The following GFRA2 variants were observed in gnomAD, a reference collection of about 807,000 sequenced individuals.
GFRA2 encodes GDNF family receptor alpha-2.
A neutral mutation model predicts 48.3 loss-of-function variants in GFRA2; 17 were observed. The observed-to-expected ratio is 0.35, with a 90% CI of 0.24 to 0.53. GFRA2 has a LOEUF of 0.53. Ranked by LOEUF, GFRA2 falls within the 20% of genes least tolerant of loss-of-function variation. GFRA2 has a pLI of 0.93. For synonymous variants in GFRA2, 305 were observed against 257.2 expected (o/e 1.19, Z -1.78); for missense variants, 660 against 637.3 (o/e 1.04, Z -0.38).
chr8:21,807,248 G>C (rs1033407716), intron 1 of GFRA2, among the ~76,000 whole-genome samples: 3 of 152,130 alleles, frequency 2.0e-5, no homozygotes, highest in African/African-American at 7.2e-5. Context: ...GCTCATTACT[G>C]CAACAGTGGG....
At chr8:21,738,966 C>G (rs991284186) in intron 4 of GFRA2, among the ~76,000 whole-genome samples, 1 of 152,188 alleles carries the variant, frequency 6.6e-6, no homozygotes, top group Admixed American at 6.5e-5. Context: ...GAGCTCCGTG[C>G]TGTGAAGAAC....
Position 21,788,740 on chromosome 8 carries a change from C to T in GFRA2, c.-581G>A, listed in dbSNP as rs1407280732. On this transcript the variant is annotated 5_prime_UTR_variant, in exon 1 of 9. Coordinates refer to ENST00000524240, the MANE Select transcript of GFRA2 (RefSeq NM_001495.5). ...CAAGATTCAAAAAAATCTTCTCCCG[C>T]TAACCCTTGCTCGGCTCACTTTTTT... 1 of 985,458 alleles carries T rather than the reference C, an allele frequency of 1.0e-6. No individual in the cohort carries two copies. Among genetic ancestry groups the T allele is most frequent in the African/African-American group, 1.7e-5 (1 of 57,256 alleles). The allele number at this position is 985,458 out of a possible 1,614,324, so 61.0% of individuals were successfully genotyped here.
intron 1 of GFRA2, 82 bp downstream of exon 1, chr8:21,788,031 TCCCGCCA>T: frequency 2.3e-6 from 1 of 432,234 alleles, no homozygotes. Context: ...CCCGCCGACC[TCCCGCCA>T]GCCCCCCACC....
At chr8:21,755,728 C>T (rs1805535643) in intron 3 of GFRA2, among the ~76,000 whole-genome samples, 1 of 152,212 alleles carries the variant, frequency 6.6e-6, no homozygotes, top group Non-Finnish European at 1.5e-5. Flanking sequence ...GAAAAAGGAT[C>T]CCAGGCACAG....
chr8:21,796,921 G>T (rs1198154909), intron 2 of GFRA2, among the ~76,000 whole-genome samples: 1 of 152,128 alleles, frequency 6.6e-6, no homozygotes, highest in Admixed American at 6.5e-5. Context: ...GCTTTTTTCT[G>T]CAAGTTTGCC....
chr8:21,803,819 G>A (rs1014138505), intron 2 of GFRA2, among the ~76,000 whole-genome samples: 6 of 152,114 alleles, frequency 3.9e-5, no homozygotes. Context: ...CTTTTTTAGA[G>A]ATAGGGTCTT....
intron 4 of GFRA2, among the ~76,000 whole-genome samples, chr8:21,746,006 A>G (rs1052587731): frequency 1.3e-5 from 2 of 152,262 alleles, no homozygotes; most frequent in African/African-American, 2.4e-5. Flanking sequence ...CTGCTTCAAC[A>G]GAATCAGAAC....
At chr8:21,763,583 C>T (rs1353075232) in intron 3 of GFRA2, among the ~76,000 whole-genome samples, 2 of 152,152 alleles carry the variant, frequency 1.3e-5, no homozygotes, top group Non-Finnish European at 2.9e-5. Context: ...CTGCCGTAGT[C>T]ATATCCTTGA....
upstream of GFRA2, among the ~76,000 whole-genome samples, chr8:21,793,718 A>C (rs1198224281): frequency 2.6e-5 from 4 of 151,626 alleles, no homozygotes; most frequent in Non-Finnish European, 5.9e-5. Flanking sequence ...AGCACCCCCA[A>C]CTGGTCAATT....
rs140978093 is a variant in GFRA2 at position 21,702,984 on chromosome 8, T to C, written c.1046-7A>G. The C allele has an allele frequency of 2.7e-6, 4 of 1,507,328 alleles. No individual in the cohort carries two copies. Among genetic ancestry groups the C allele is most frequent in the African/African-American group, 1.4e-5 (1 of 70,632 alleles). The allele number at this position is 1,507,328 out of a possible 1,614,324, so 93.4% of individuals were successfully genotyped here. A position where few individuals can be genotyped will look rare whatever the true frequency, so the allele number is the denominator to read the frequency against. ...AAGGCCTGGATGGCGTTCCCTGGGATGGGGGTGAGGGCAGATGCAGAGAAG... is the reference window on the plus strand; with the variant it reads ...AAGGCCTGGATGGCGTTCCCTGGGACGGGGGTGAGGGCAGATGCAGAGAAG... On this transcript the variant is annotated splice_region_variant and splice_polypyrimidine_tract_variant and intron_variant, in intron 6 of 8. Transcript: ENST00000524240.
intron 1 of GFRA2, 85 bp downstream of exon 1, chr8:21,788,035 G>GAAGCCCCCCCCCCCCC: frequency 4.7e-6 from 1 of 214,702 alleles, no homozygotes; most frequent in Non-Finnish European, 8.6e-6. Context: ...CCGACCTCCC[G>GAAGCCCCCCCCCCCCC]CCAGCCCCCC....
chr8:21,715,657 C>T (rs148933709), intron 4 of GFRA2, among the ~76,000 whole-genome samples: 268 of 152,354 alleles, frequency 1.8e-3, no homozygotes, highest in African/African-American at 6.2e-3. Flanking sequence ...GCACCCCTTT[C>T]TCCTGGCCAC....
rs1189394022 is a variant in GFRA2, at chr8:21,799,622, T to A, written c.-36+5395A>T. Among the ~76,000 whole-genome samples, 45 of 152,232 alleles carry A rather than the reference T, an allele frequency of 3.0e-4. 1 individual carries two copies. Among genetic ancestry groups the A allele is most frequent in the Admixed American group, 2.9e-3 (45 of 15,288 alleles). ...TCATGGGAGCCAGACTCATTAGAAT[T>A]CCCAGTCCACACAATAAACTGCCTT... On this transcript the variant is annotated intron_variant, in intron 2 of 10. Coordinates refer to the GFRA2 transcript ENST00000517328.
At chr8:21,783,157 C>T in intron 1 of GFRA2, 2 of 658,272 alleles carry the variant, frequency 3.0e-6, no homozygotes, top group Non-Finnish European at 2.8e-6. Context: ...GAGCACAGCA[C>T]AATAAAGCCA....
At chr8:21,740,016 T>C (rs879733591) in intron 4 of GFRA2, among the ~76,000 whole-genome samples, 9 of 152,152 alleles carry the variant, frequency 5.9e-5, no homozygotes, top group Non-Finnish European at 1.3e-4. Flanking sequence ...AGGGAGGACA[T>C]GGCGGGTGGG....
intron 4 of GFRA2, among the ~76,000 whole-genome samples, chr8:21,730,939 C>T (rs934571366): frequency 4.6e-5 from 7 of 152,116 alleles, no homozygotes; most frequent in Non-Finnish European, 1.5e-5. Context: ...ATGCGTACCC[C>T]GAGGTTTCCA....
chr8:21,714,457 G>T (rs554044963), intron 4 of GFRA2, among the ~76,000 whole-genome samples: 5 of 151,790 alleles, frequency 3.3e-5, no homozygotes, highest in African/African-American at 1.2e-4. Flanking sequence ...TCGCCATGTT[G>T]CCCAGGGGGT....
intron 3 of GFRA2, among the ~76,000 whole-genome samples, chr8:21,767,122 ACACACCACCT>A (rs1397026230): frequency 1.4e-5 from 2 of 146,958 alleles, no homozygotes; most frequent in African/African-American, 5.0e-5. Flanking sequence ...TCACATACAC[ACACACCACCT>A]CACACCACCA....
At chr8:21,804,855 T>TC (rs1489564925) in intron 2 of GFRA2, among the ~76,000 whole-genome samples, 1 of 152,062 alleles carries the variant, frequency 6.6e-6, no homozygotes, top group Non-Finnish European at 1.5e-5. Context: ...CTGCCCTTTC[T>TC]CCCCTGCTCC....
Sources: gnomAD v4.1 joint callset for allele counts (sites outside exome capture counted in the v4.1 genomes callset) on GRCh38, gnomAD v4.1.1 for gene constraint, MANE v1.5 for transcripts, NCBI Gene and HGNC (gene_info 2026-07-23, HGNC 2026-07-21) for gene names.